GNPAT: variants seen among roughly 807,000 people sequenced by gnomAD.
GNPAT encodes glyceronephosphate O-acyltransferase.
In GNPAT, 30 loss-of-function variants were observed where a neutral mutation model predicts 78.4. The ratio of observed to expected loss-of-function variants is 0.38; its 90% CI spans 0.29 to 0.52. The LOEUF (loss-of-function observed/expected upper bound fraction) is 0.52, where lower values mean the gene tolerates loss of function less well. GNPAT is among the 20% of genes least tolerant of loss of function. The pLI, the probability that GNPAT is intolerant of heterozygous loss-of-function variation, is 0.84. For missense variants in GNPAT, 714 were observed against 812.2 expected, an observed-to-expected ratio of 0.88 and a Z score of 1.47; for synonymous variants, 271 against 281.1, an observed-to-expected ratio of 0.96 and a Z score of 0.36.
At chr1:231,256,012 T>A (rs1236384156) in intron 2 of GNPAT, among the ~76,000 whole-genome samples, 1 of 152,208 alleles carries the variant, frequency 6.6e-6, no homozygotes, top group Non-Finnish European at 1.5e-5. Context: ...GCCTGTCTCT[T>A]TAAATGATGG....
intron 5 of GNPAT, 91 bp downstream of exon 5, chr1:231,265,511 T>A (rs1487783968): frequency 8.6e-6 from 10 of 1,162,458 alleles, no homozygotes; most frequent in Non-Finnish European, 1.2e-5. Flanking sequence ...ATAGAACACT[T>A]AGCTATTTTG....
chr1:231,268,955 T>A (rs900014363), intron 9 of GNPAT, among the ~76,000 whole-genome samples: 4 of 152,050 alleles, frequency 2.6e-5, no homozygotes, highest in African/African-American at 4.8e-5. Context: ...CGTTTTTTTT[T>A]AAAGACCAGA....
At chr1:231,269,456 T>C (rs1332453046) in intron 9 of GNPAT, among the ~76,000 whole-genome samples, 1 of 152,168 alleles carries the variant, frequency 6.6e-6, no homozygotes, top group Non-Finnish European at 1.5e-5. Flanking sequence ...GTTAGGAGGC[T>C]GCTCTGTCCC....
intron 2 of GNPAT, among the ~76,000 whole-genome samples, chr1:231,259,642 C>T (rs1037130176): frequency 3.4e-5 from 4 of 118,358 alleles, no homozygotes; most frequent in African/African-American, 6.8e-5. Context: ...AGCGAAACTC[C>T]GTCTCAAAAA....
rs546875180 is a variant in GNPAT, at chr1:231,272,191, G to C, written c.1523-121G>C. ...GCTTCCCTCAGGGGACTTAATTCTT[G>C]TCCCTGTTACATGAATAAAATATGC... On this transcript the variant is annotated intron_variant, in intron 10 of 15. Transcript: ENST00000366647. 9.7e-5 allele frequency: 66 copies of C among 680,112 alleles called. 1 individual carries two copies. The East Asian group carries it at 1.9e-3, about 19-fold the overall frequency. The allele number at this position is 680,112 out of a possible 1,614,324, so 42.1% of individuals were successfully genotyped here. A position where few individuals can be genotyped will look rare whatever the true frequency, so the allele number is the denominator to read the frequency against.
intron 2 of GNPAT, among the ~76,000 whole-genome samples, chr1:231,259,157 C>CTTT (rs55848293): frequency 3.4e-5 from 5 of 145,248 alleles, no homozygotes; most frequent in African/African-American, 7.6e-5. Flanking sequence ...TATTTATAAA[C>CTTT]TTTTTTTTTT....
intron 9 of GNPAT, among the ~76,000 whole-genome samples, chr1:231,269,645 A>G (rs1685498193): frequency 6.6e-6 from 1 of 152,180 alleles, no homozygotes; most frequent in Non-Finnish European, 1.5e-5. Context: ...AGGATGTGTT[A>G]ATTATGATAC....
At chr1:231,260,433 C>A in intron 2 of GNPAT, 74 bp from the exon 3 acceptor site, 1 of 998,504 alleles carries the variant, frequency 1.0e-6, no homozygotes, top group Non-Finnish European at 1.6e-6. Context: ...ACTAGTCATA[C>A]TGGTTTGAGT....
At chr1:231,250,726 T>C (rs980378275) in intron 1 of GNPAT, among the ~76,000 whole-genome samples, 5 of 152,192 alleles carry the variant, frequency 3.3e-5, no homozygotes, top group Admixed American at 6.5e-5. Context: ...ATACTGACAA[T>C]GATAGCAATC....
chr1:231,272,936 C>T (rs986409673), intron 11 of GNPAT, among the ~76,000 whole-genome samples: 1 of 152,116 alleles, frequency 6.6e-6, no homozygotes, highest in Non-Finnish European at 1.5e-5. Flanking sequence ...GATTGTGCCA[C>T]TGCACTCCAG....
In GNPAT at chr1:231,241,311, C is replaced by T. The variant is rs1684593423; in HGVS notation, c.-68C>T. ...AGGGCCGTCCTGAGCGAAAGAACCG[C>T]CCCCAGCAGGAGCACCACCACGGCT... is the stretch of plus-strand genomic sequence containing the variant. On this transcript the variant is annotated 5_prime_UTR_variant, in exon 1 of 16. Coordinates refer to ENST00000366647, the MANE Select transcript of GNPAT (RefSeq NM_014236.4). The T allele has an allele frequency of 1.4e-6, 2 of 1,445,066 alleles. No individual in the cohort carries two copies. Among genetic ancestry groups the T allele is most frequent in the East Asian group, 2.3e-5 (1 of 44,042 alleles). The allele number at this position is 1,445,066 out of a possible 1,614,324, so 89.5% of individuals were successfully genotyped here.
At chr1:231,249,305 T>C (rs1459210031) in intron 1 of GNPAT, among the ~76,000 whole-genome samples, 1 of 152,232 alleles carries the variant, frequency 6.6e-6, no homozygotes, top group Non-Finnish European at 1.5e-5. Context: ...TCTCTATATA[T>C]GGACATAAAA....
intron 10 of GNPAT, 137 bp downstream of exon 10, chr1:231,271,137 C>A: frequency 9.8e-7 from 1 of 1,020,156 alleles, no homozygotes; most frequent in Non-Finnish European, 1.5e-6. Flanking sequence ...AAAAAGTTAG[C>A]TTTGTTCCCC....
intron 11 of GNPAT, 67 bp downstream of exon 11, chr1:231,272,458 T>C: frequency 1.2e-6 from 1 of 866,642 alleles, no homozygotes. Context: ...AGGGGTGAAT[T>C]CACAGATGTG....
chr1:231,273,300 A>G (rs1337246094), intron 11 of GNPAT, among the ~76,000 whole-genome samples: 1 of 133,476 alleles, frequency 7.5e-6, no homozygotes, highest in Non-Finnish European at 1.5e-5. Context: ...CGCTCAGGCT[A>G]GAGTGCAGTG....
intron 2 of GNPAT, among the ~76,000 whole-genome samples, chr1:231,251,856 T>C (rs1684908000): frequency 6.6e-6 from 1 of 152,178 alleles, no homozygotes; most frequent in African/African-American, 2.4e-5. Flanking sequence ...CTAACAACAG[T>C]GGTTCTCAAC....
intron 12 of GNPAT, 170 bp from the exon 13 acceptor site, chr1:231,275,051 C>A: frequency 1.7e-6 from 1 of 603,226 alleles, no homozygotes; most frequent in Admixed American, 2.9e-5. Context: ...AAAGGAGATG[C>A]CCTAAAAATT....
intron 1 of GNPAT, among the ~76,000 whole-genome samples, chr1:231,245,232 T>C (rs1264811699): frequency 6.6e-6 from 1 of 152,134 alleles, no homozygotes; most frequent in Non-Finnish European, 1.5e-5. Context: ...TTGTTGTTGT[T>C]AATTTTTGGC....
intron 10 of GNPAT, among the ~76,000 whole-genome samples, chr1:231,271,977 G>T (rs1685581275): frequency 6.6e-6 from 1 of 152,200 alleles, no homozygotes; most frequent in Non-Finnish European, 1.5e-5. Context: ...GCGAGTGCCT[G>T]TAATCCCAGC....
Sources: gnomAD v4.1 joint callset for allele counts (sites outside exome capture counted in the v4.1 genomes callset) on GRCh38, gnomAD v4.1.1 for gene constraint, MANE v1.5 for transcripts, NCBI Gene and HGNC (gene_info 2026-07-23, HGNC 2026-07-21) for gene names.